WDFY3: variants seen among roughly 807,000 people sequenced by gnomAD.
The protein encoded by WDFY3 is WD repeat and FYVE domain-containing protein 3.
In WDFY3, 66 loss-of-function variants were observed where a neutral mutation model predicts 409.6. That is an observed-to-expected ratio of 0.16 (90% CI 0.13 to 0.20). The LOEUF (loss-of-function observed/expected upper bound fraction) is 0.20. Among genes scored for constraint, WDFY3 ranks in the 10% least tolerant of loss-of-function variants. WDFY3 has a pLI of 1.00. For synonymous variants in WDFY3, 1,521 were observed against 1,537.1 expected, an observed-to-expected ratio of 0.99 and a Z score of 0.25; for missense variants, 3,031 against 4,298.1, an observed-to-expected ratio of 0.71 and a Z score of 8.24.
chr4:84,940,715 T>G (rs1386392232), intron 1 of WDFY3, among the ~76,000 whole-genome samples: 2 of 151,868 alleles, frequency 1.3e-5, no homozygotes, highest in Non-Finnish European at 2.9e-5. Context: ...ACAAAGAGAT[T>G]AAGAGAAAAA....
intron 36 of WDFY3, among the ~76,000 whole-genome samples, chr4:84,744,289 A>G (rs1204243964): frequency 1.6e-4 from 25 of 151,942 alleles, no homozygotes; most frequent in Non-Finnish European, 8.8e-5. Flanking sequence ...TAAAGCCATT[A>G]AAACTAATAC....
chr4:84,909,046 A>ACACACACC (rs1767426472), intron 2 of WDFY3, among the ~76,000 whole-genome samples: 1 of 151,352 alleles, frequency 6.6e-6, no homozygotes, highest in Admixed American at 6.6e-5. Context: ...ACACACACAC[A>ACACACACC]CGCACACACA....
chr4:84,784,316 T>C, intron 24 of WDFY3, among the ~76,000 whole-genome samples: 1 of 152,188 alleles, frequency 6.6e-6, no homozygotes, highest in Non-Finnish European at 1.5e-5. Context: ...AGATTCGTAT[T>C]TCCAATGGCC....
intron 3 of WDFY3, among the ~76,000 whole-genome samples, chr4:84,872,573 C>A (rs764813347): frequency 6.6e-6 from 1 of 151,540 alleles, no homozygotes; most frequent in Non-Finnish European, 1.5e-5. Context: ...GAACAAAGAA[C>A]AAATGCAACA....
chr4:84,760,599 G>T (rs577833705), intron 32 of WDFY3, among the ~76,000 whole-genome samples: 1 of 152,186 alleles, frequency 6.6e-6, no homozygotes, highest in African/African-American at 2.4e-5. Flanking sequence ...TGTAGAGGTT[G>T]TTTGTAGTAT....
chr4:84,688,018 C>A, intron 62 of WDFY3, 68 bp downstream of exon 62: 1 of 1,515,034 alleles, frequency 6.6e-7, no homozygotes, highest in Non-Finnish European at 9.0e-7. Flanking sequence ...CTGAGCCCCA[C>A]CATTTTTAAT....
At chr4:84,940,497 C>T (rs1450050406) in intron 1 of WDFY3, among the ~76,000 whole-genome samples, 2 of 152,020 alleles carry the variant, frequency 1.3e-5, no homozygotes, top group African/African-American at 4.8e-5. Flanking sequence ...AGTGTCATTG[C>T]CTCCCATAAA....
chr4:84,864,331 A>C (rs1012701138), intron 3 of WDFY3, among the ~76,000 whole-genome samples: 4 of 143,088 alleles, frequency 2.8e-5, no homozygotes, highest in Non-Finnish European at 6.0e-5. Context: ...GCGCCACTGC[A>C]CTCCAGCCTG....
chr4:84,922,569 G>A (rs1769425027), intron 2 of WDFY3, among the ~76,000 whole-genome samples: 1 of 152,046 alleles, frequency 6.6e-6, no homozygotes, highest in Non-Finnish European at 1.5e-5. Context: ...GATTTCTATA[G>A]GTCTAAGCAT....
In WDFY3 at chr4:84,938,325, A is replaced by G. The variant is rs534053785; in HGVS notation, c.-225-5962T>C. On this transcript the variant is annotated intron_variant, in intron 1 of 67. Coordinates refer to ENST00000295888, the MANE Select transcript of WDFY3 (RefSeq NM_014991.6). ...ACTAGATTTTTGATGTAAAAGAATC[A>G]TTCTAAAATTTCTTCAAAAGATAAT... Among the ~76,000 whole-genome samples, 4 of 152,356 alleles carry G rather than the reference A, an allele frequency of 2.6e-5. No individual in the cohort carries two copies. In the South Asian group the frequency reaches 8.3e-4, roughly 32 times the overall value.
intron 2 of WDFY3, among the ~76,000 whole-genome samples, chr4:84,908,698 T>C (rs1253322650): frequency 3.9e-5 from 6 of 152,144 alleles, no homozygotes; most frequent in African/African-American, 7.2e-5. Context: ...CTTTCCCTTT[T>C]AGAATAAAGG....
At chr4:84,927,131 CAAAT>C (rs1770102264) in intron 2 of WDFY3, among the ~76,000 whole-genome samples, 2 of 152,026 alleles carry the variant, frequency 1.3e-5, no homozygotes, top group Admixed American at 1.3e-4. Flanking sequence ...CAGTAATTCA[CAAAT>C]AATAATTAAA....
chr4:84,755,541 T>C, intron 33 of WDFY3, 141 bp from the exon 34 acceptor site: 1 of 902,896 alleles, frequency 1.1e-6, no homozygotes, highest in South Asian at 2.0e-5. Flanking sequence ...CATAAAGAAC[T>C]AGTACCCTTC....
chr4:84,875,008 G>T (rs1034940207), intron 3 of WDFY3, among the ~76,000 whole-genome samples: 1 of 151,906 alleles, frequency 6.6e-6, no homozygotes, highest in Non-Finnish European at 1.5e-5. Flanking sequence ...ACAGAAAATG[G>T]CCTGTAATCC....
Position 84,860,312 on chromosome 4 carries a change from CA to C in WDFY3, c.180+99del, listed in dbSNP as rs1456165195. On this transcript the variant is annotated intron_variant, in intron 4 of 67. Transcript: ENST00000295888. Reference sequence around the variant, plus strand: ...AACACCAAACTTCTTAAAACTAACTCAGCCTATCATTTTTTTCTACCTATGG... The same window carrying C: ...AACACCAAACTTCTTAAAACTAACTCGCCTATCATTTTTTTCTACCTATGG... The C allele has an allele frequency of 8.9e-6, 12 of 1,344,300 alleles. No individual in the cohort carries two copies. In the African/African-American group the frequency reaches 1.6e-4, roughly 18 times the overall value. 83.3% of individuals were successfully genotyped at this position (1,344,300 alleles called of 1,614,324 possible).
At chr4:84,813,687 C>A (rs1051228464) in intron 13 of WDFY3, among the ~76,000 whole-genome samples, 1 of 152,040 alleles carries the variant, frequency 6.6e-6, no homozygotes, top group African/African-American at 2.4e-5. Context: ...CTCAAAATTA[C>A]GGGTCAGCCA....
chr4:84,728,404 A>C (rs11097024), intron 44 of WDFY3, among the ~76,000 whole-genome samples: 67,050 of 151,750 alleles, frequency 0.44, 15,343 homozygotes, highest in African/African-American at 0.53. Flanking sequence ...GTGGTGCATG[A>C]CTGTAATTCC....
At chr4:84,837,846 T>A (rs1355563712) in intron 6 of WDFY3, among the ~76,000 whole-genome samples, 1 of 152,178 alleles carries the variant, frequency 6.6e-6, no homozygotes, top group African/African-American at 2.4e-5. Context: ...TTATTGAGTG[T>A]CCAGGGAATG....
chr4:84,715,386 G>A lies in WDFY3; in HGVS notation c.7876-3C>T, dbSNP rs1733682781. 2 of 1,522,272 alleles carry A rather than the reference G, an allele frequency of 1.3e-6. No homozygotes were observed. Among genetic ancestry groups the A allele is most frequent in the Non-Finnish European group, 1.8e-6 (2 of 1,101,750 alleles). The allele number at this position is 1,522,272 out of a possible 1,614,324, so 94.3% of individuals were successfully genotyped here. On this transcript the variant is annotated splice_region_variant and splice_polypyrimidine_tract_variant and intron_variant, in intron 49 of 67. Coordinates refer to ENST00000295888, the MANE Select transcript of WDFY3 (RefSeq NM_014991.6). ...GAGAAAACTTCCACAGCAATAGGCT[G>A]AAATGATCAGAGAGAAAAACATTAA...
Sources: gnomAD v4.1 joint callset for allele counts (sites outside exome capture counted in the v4.1 genomes callset) on GRCh38, gnomAD v4.1.1 for gene constraint, MANE v1.5 for transcripts, NCBI Gene and HGNC (gene_info 2026-07-23, HGNC 2026-07-21) for gene names.